ILDR2: variants seen among roughly 807,000 people sequenced by gnomAD.
The protein encoded by ILDR2 is immunoglobulin like domain containing receptor 2.
Under a neutral mutation model 66.8 loss-of-function variants are expected in ILDR2, and 25 were observed. The ratio of observed to expected loss-of-function variants is 0.37; its 90% CI spans 0.27 to 0.52. ILDR2 has a LOEUF of 0.52. Ranked by LOEUF, ILDR2 falls within the 20% of genes least tolerant of loss-of-function variation. The pLI is 0.88. For synonymous variants in ILDR2, 367 were observed against 357.2 expected, an observed-to-expected ratio of 1.03 and a Z score of -0.31; for missense variants, 827 against 876.8, an observed-to-expected ratio of 0.94 and a Z score of 0.72.
rs1362568305 is a variant in ILDR2, at chr1:166,911,351, A to C, written c.*8004T>G. On this transcript the variant is annotated 3_prime_UTR_variant, in exon 10 of 10. Coordinates refer to ENST00000271417, the MANE Select transcript of ILDR2 (RefSeq NM_199351.3). ...AGCACACTTACTTCTTCCTTACTCAATCATTCACTCTTCCTGGCTTCCCCA... is the reference window on the plus strand; with the variant it reads ...AGCACACTTACTTCTTCCTTACTCACTCATTCACTCTTCCTGGCTTCCCCA... 6.6e-6 allele frequency: 1 copy of C among 152,174 alleles called. No individual in the cohort carries two copies. The highest frequency in any genetic ancestry group is 1.5e-5 in the Non-Finnish European group (1 of 68,026). The allele number at this position is 152,174 out of a possible 1,614,324, so 9.4% of individuals were successfully genotyped here.
chr1:166,921,427 C>G lies in ILDR2; in HGVS notation c.1212-48G>C. ...TCAGACGGCCGGTCCCTCCCTGGAG[C>G]TCCAGGTAGGGCTCCCAAGAGCACC... is the stretch of plus-strand genomic sequence containing the variant. On this transcript the variant is annotated intron_variant, in intron 8 of 9. Coordinates refer to ENST00000271417, the MANE Select transcript of ILDR2 (RefSeq NM_199351.3). The surrounding 1 kb of genome is among the most constrained non-coding windows in gnomAD (Gnocchi z 5.3). 6.8e-7 allele frequency: 1 copy of G among 1,470,440 alleles called. No individual in the cohort carries two copies. The highest frequency in any genetic ancestry group is 9.1e-7 in the Non-Finnish European group (1 of 1,099,130). The allele number at this position is 1,470,440 out of a possible 1,614,324, so 91.1% of individuals were successfully genotyped here. A position where few individuals can be genotyped will look rare whatever the true frequency, so the allele number is the denominator to read the frequency against.
At chr1:166,920,138 A>G (rs1159075898) in intron 9 of ILDR2, among the ~76,000 whole-genome samples, 1 of 152,222 alleles carries the variant, frequency 6.6e-6, no homozygotes, top group East Asian at 1.9e-4. Context: ...GATTTCCTTC[A>G]CATATACGGG....
chr1:166,922,511 G>A, intron 8 of ILDR2, 82 bp downstream of exon 8: 2 of 1,030,420 alleles, frequency 1.9e-6, no homozygotes, highest in African/African-American at 1.6e-5. Context: ...CTACTGGATG[G>A]CATCTTCCTT....
rs570059538 is a variant in ILDR2 at position 166,975,324 on chromosome 1, C to T, written c.-56G>A. On this transcript the variant is annotated 5_prime_UTR_variant, in exon 1 of 10. Transcript: ENST00000271417. ...TGAGGAAAGTGGGAAATGGCTGGAA[C>T]AGAAGGATCGCTGTCACCCCGCGGC... 15 of 1,539,918 alleles carry T rather than the reference C, an allele frequency of 9.7e-6. No homozygotes were observed. The South Asian group carries it at 1.7e-4, about 18-fold the overall frequency.
chr1:166,912,212 A>G lies in ILDR2; in HGVS notation c.*7143T>C, dbSNP rs932697466. ...AATAAAAGTCAGAAGGGAGTGTAAT[A>G]ATAACTTCAATGTCCTGAAAGAAAA... On this transcript the variant is annotated 3_prime_UTR_variant, in exon 10 of 10. Coordinates refer to ENST00000271417, the MANE Select transcript of ILDR2 (RefSeq NM_199351.3). 6.6e-6 allele frequency: 1 copy of G among 152,214 alleles called. No homozygotes were observed. Among genetic ancestry groups the G allele is most frequent in the Non-Finnish European group, 1.5e-5 (1 of 68,030 alleles). 9.4% of individuals were successfully genotyped at this position (152,214 alleles called of 1,614,324 possible).
rs1052895138 is a variant in ILDR2, at chr1:166,918,737, A to C, written c.*618T>G. The C allele has an allele frequency of 6.5e-6, 1 of 153,298 alleles. No individual in the cohort carries two copies. The highest frequency in any genetic ancestry group is 2.4e-5 in the African/African-American group (1 of 41,492). 9.5% of individuals were successfully genotyped at this position (153,298 alleles called of 1,614,324 possible). On this transcript the variant is annotated 3_prime_UTR_variant, in exon 10 of 10. Transcript: ENST00000271417. ...CGCTTTTGCTTTGTCCTAGCCACTT[A>C]AGAATTGTCATTCAGAACAGCAGTG...
intron 6 of ILDR2, among the ~76,000 whole-genome samples, chr1:166,934,509 C>T (rs948080977): frequency 3.9e-5 from 6 of 152,204 alleles, no homozygotes; most frequent in Non-Finnish European, 7.3e-5. Flanking sequence ...TCTACTGTCT[C>T]CCACTTGCCA....
intron 7 of ILDR2, among the ~76,000 whole-genome samples, chr1:166,926,502 C>T (rs539631291): frequency 5.9e-5 from 9 of 152,122 alleles, no homozygotes; most frequent in African/African-American, 2.2e-4. Flanking sequence ...TCCAGATTCA[C>T]GTGCCAGACT....
At position 166,975,494 on chromosome 1, in the gene ILDR2, G is replaced by T. The variant is rs1663541695; in HGVS notation, c.-226C>A. 1 of 146,492 alleles carries T rather than the reference G, an allele frequency of 6.8e-6. No homozygotes were observed. The highest frequency in any genetic ancestry group is 1.5e-5 in the Non-Finnish European group (1 of 65,970). The allele number at this position is 146,492 out of a possible 1,614,324, so 9.1% of individuals were successfully genotyped here. A position where few individuals can be genotyped will look rare whatever the true frequency, so the allele number is the denominator to read the frequency against. ...GCTTCCGGGGTCCGCGCAGCGCTCGGCGGCGCATCCGCATGCCCAGGCAGC... is the reference window on the plus strand; with the variant it reads ...GCTTCCGGGGTCCGCGCAGCGCTCGTCGGCGCATCCGCATGCCCAGGCAGC... On this transcript the variant is annotated 5_prime_UTR_variant, in exon 1 of 10. Transcript: ENST00000271417.
intron 3 of ILDR2, among the ~76,000 whole-genome samples, chr1:166,955,098 T>G (rs1235056924): frequency 1.3e-5 from 2 of 152,228 alleles, no homozygotes; most frequent in African/African-American, 4.8e-5. Flanking sequence ...TTTTGATTTA[T>G]AGAGTCACAG....
chr1:166,922,565 G>T (rs772114990), intron 8 of ILDR2, 28 bp downstream of exon 8: 1 of 1,598,850 alleles, frequency 6.3e-7, no homozygotes, highest in Non-Finnish European at 8.6e-7. Flanking sequence ...CCCTCACACC[G>T]ACCAGACCTG....
intron 3 of ILDR2, among the ~76,000 whole-genome samples, chr1:166,947,677 G>A (rs1661711377): frequency 2.0e-5 from 3 of 152,038 alleles, no homozygotes. Context: ...TTCCTCCCCC[G>A]CTCGGGCCGG....
Position 166,921,666 on chromosome 1 carries a change from C to T in ILDR2, c.1212-287G>A, listed in dbSNP as rs984878016. ...TACTGACCCACCGTGGGGCTGCCTT[C>T]TGGTCATTATGTTGTGACCTCGGGT... On this transcript the variant is annotated intron_variant, in intron 8 of 9. Transcript: ENST00000271417. The surrounding 1 kb of genome is among the most constrained non-coding windows in gnomAD (Gnocchi z 5.3). Among the ~76,000 whole-genome samples, 1 of 152,230 alleles carries T rather than the reference C, an allele frequency of 6.6e-6. No individual in the cohort carries two copies. The highest frequency in any genetic ancestry group is 1.5e-5 in the Non-Finnish European group (1 of 68,036).
At chr1:166,960,952 G>C (rs1662576276) in intron 1 of ILDR2, among the ~76,000 whole-genome samples, 1 of 152,154 alleles carries the variant, frequency 6.6e-6, no homozygotes, top group Admixed American at 6.5e-5. Flanking sequence ...GACAAGAGAG[G>C]TGAAATGACT....
intron 1 of ILDR2, among the ~76,000 whole-genome samples, chr1:166,962,027 A>G (rs1662648565): frequency 6.6e-6 from 1 of 152,208 alleles, no homozygotes; most frequent in Non-Finnish European, 1.5e-5. Context: ...AGACAGGACT[A>G]GAATTCCAAG....
At chr1:166,902,711 G>A (rs573232236) in intron 2 of ILDR2, among the ~76,000 whole-genome samples, 1 of 152,312 alleles carries the variant, frequency 6.6e-6, no homozygotes, top group South Asian at 2.1e-4. Context: ...ACCAATTATT[G>A]TAGCCCATTC....
intron 2 of ILDR2, among the ~76,000 whole-genome samples, chr1:166,899,037 G>A (rs1364547055): frequency 7.2e-5 from 11 of 151,984 alleles, no homozygotes; most frequent in Non-Finnish European, 5.9e-5. Context: ...TTCAGCCTGG[G>A]TGACAACGCA....
chr1:166,921,223 G>A lies in ILDR2; in HGVS notation c.1368C>T (p.Arg456=). 2 of 1,592,470 alleles carry A rather than the reference G, an allele frequency of 1.3e-6. No individual in the cohort carries two copies. Among genetic ancestry groups the A allele is most frequent in the Non-Finnish European group, 1.7e-6 (2 of 1,175,270 alleles). Residue 456 remains arginine (R), a synonymous_variant, in exon 9 of 10, where the codon CGC becomes CGT. Coordinates refer to ENST00000271417, the MANE Select transcript of ILDR2 (RefSeq NM_199351.3). This position sits in a 1 kb window ranked among gnomAD's most constrained non-coding sequence, Gnocchi z 5.3. ...GCGCCCGCGACTCCGAGCGCTCGAAGCGGCTCCCGCCCCGCGCCTCGTGAC... is the reference window on the plus strand; with the variant it reads ...GCGCCCGCGACTCCGAGCGCTCGAAACGGCTCCCGCCCCGCGCCTCGTGAC... ...GNSHEARGGS[R]FERSESRAHS...
chr1:166,904,676 T>C (rs977193093), downstream of ILDR2, among the ~76,000 whole-genome samples: 1 of 152,240 alleles, frequency 6.6e-6, no homozygotes, highest in Non-Finnish European at 1.5e-5. Context: ...CATGCCTGTT[T>C]TGCTTTACTC....
Sources: gnomAD v4.1 joint callset for allele counts (sites outside exome capture counted in the v4.1 genomes callset) on GRCh38, gnomAD v4.1.1 for gene constraint, Gnocchi (gnomAD v3.1) non-coding constraint, MANE v1.5 for transcripts, NCBI Gene and HGNC (gene_info 2026-07-23, HGNC 2026-07-21) for gene names.